NIN: variants seen among roughly 807,000 people sequenced by gnomAD.
The protein encoded by NIN is ninein.
In NIN, 137 loss-of-function variants were observed where a neutral mutation model predicts 257.6. That is an observed-to-expected ratio of 0.53 (90% CI 0.46 to 0.61). The LOEUF (loss-of-function observed/expected upper bound fraction) is 0.61, where lower values mean the gene tolerates loss of function less well. Ranked by LOEUF, NIN falls within the 20% of genes least tolerant of loss-of-function variation. The pLI is 0.00. For missense variants in NIN, 2,439 were observed against 2,501.2 expected (o/e 0.98, Z 0.53); for synonymous variants, 918 against 919.8 (o/e 1.00, Z 0.04).
In NIN at chr14:50,757,386, T is replaced by A. The variant is rs746180443; in HGVS notation, c.3644A>T (p.Asp1215Val). ...GTCCTGTTTCTTTTCAGAAGCTCGA[T>A]CACAGTCCGCACATAACATCATTAG... ...EQLMMLCADC[D>V]RASEKKQDLL... The change falls in exon 18 of 31, where the codon GAT becomes GTT. Residue 1215 changes from aspartate to valine, a missense_variant. Physicochemically the swap from Asp to Val is radical, Grantham distance 152. Coordinates refer to ENST00000530997, the MANE Select transcript of NIN (RefSeq NM_020921.4). 1.9e-6 allele frequency: 3 copies of A among 1,614,150 alleles called. No individual in the cohort carries two copies. The South Asian group carries it at 3.3e-5, about 18-fold the overall frequency.
intron 3 of NIN, among the ~76,000 whole-genome samples, chr14:50,807,892 C>T (rs977169831): frequency 2.6e-5 from 4 of 152,194 alleles, no homozygotes; most frequent in African/African-American, 7.2e-5. Flanking sequence ...TTACCACACT[C>T]TTCCAAAGTA....
chr14:50,817,430 A>T (rs1278738611), intron 3 of NIN, among the ~76,000 whole-genome samples: 1 of 152,248 alleles, frequency 6.6e-6, no homozygotes, highest in Non-Finnish European at 1.5e-5. Context: ...CAAGAAATTT[A>T]GAAAGAACCT....
At chr14:50,744,145 G>C (rs949970493) in intron 23 of NIN, 98 bp downstream of exon 23, 1 of 1,334,322 alleles carries the variant, frequency 7.5e-7, no homozygotes, top group African/African-American at 1.5e-5. Context: ...TGGAACAACA[G>C]ACTACCACAG....
chr14:50,729,258 T>TG (rs1170954638), intron 29 of NIN, among the ~76,000 whole-genome samples: 1 of 139,666 alleles, frequency 7.2e-6, no homozygotes, highest in Non-Finnish European at 1.6e-5. Flanking sequence ...TGATTTTGTT[T>TG]TTTTTTTTTT....
At chr14:50,746,723 C>T (rs1595753182) in intron 22 of NIN, among the ~76,000 whole-genome samples, 1 of 152,206 alleles carries the variant, frequency 6.6e-6, no homozygotes, top group Non-Finnish European at 1.5e-5. Flanking sequence ...AATTGAAAGA[C>T]TCCTGTAAAT....
At chr14:50,793,399 A>G (rs140920660) in intron 4 of NIN, among the ~76,000 whole-genome samples, 19 of 152,202 alleles carry the variant, frequency 1.2e-4, no homozygotes, top group African/African-American at 4.3e-4. Context: ...AGACAAGCAG[A>G]TGACAAAACA....
rs774589218 is a variant in NIN at position 50,720,855 on chromosome 14, G to A, written c.*2608C>T. ...AAACTTGATTCCCTTTTCTTGAAAC[G>A]AAGATCCCATCTTCTGAGACGATCT... On this transcript the variant is annotated 3_prime_UTR_variant, in exon 31 of 31. Transcript: ENST00000530997. 5.0e-6 allele frequency: 1 copy of A among 199,622 alleles called. No homozygotes were observed. The highest frequency in any genetic ancestry group is 1.0e-5 in the Non-Finnish European group (1 of 96,782). The allele number at this position is 199,622 out of a possible 1,614,324, so 12.4% of individuals were successfully genotyped here. A position where few individuals can be genotyped will look rare whatever the true frequency, so the allele number is the denominator to read the frequency against.
chr14:50,729,436 C>A, intron 29 of NIN, 87 bp downstream of exon 29: 3 of 1,317,742 alleles, frequency 2.3e-6, no homozygotes, highest in Non-Finnish European at 3.1e-6. Flanking sequence ...GATTTAGGTT[C>A]TTTCTCTCCA....
intron 8 of NIN, among the ~76,000 whole-genome samples, chr14:50,772,675 T>C (rs2042783428): frequency 6.6e-6 from 1 of 152,252 alleles, no homozygotes; most frequent in African/African-American, 2.4e-5. Context: ...TAGAGAGTTC[T>C]ATGACATAGA....
chr14:50,753,747 A>C (rs936569689), intron 20 of NIN, among the ~76,000 whole-genome samples: 4 of 152,182 alleles, frequency 2.6e-5, no homozygotes, highest in African/African-American at 9.6e-5. Context: ...ATGCATGGGC[A>C]CAGTCATTTC....
chr14:50,743,638 T>C, intron 23 of NIN, 109 bp from the exon 24 acceptor site: 1 of 660,862 alleles, frequency 1.5e-6, no homozygotes, highest in South Asian at 1.7e-5. Flanking sequence ...TCTATTTATG[T>C]AGGGGAGCAG....
At chr14:50,791,108 C>T (rs965935985) in intron 5 of NIN, among the ~76,000 whole-genome samples, 1 of 152,222 alleles carries the variant, frequency 6.6e-6, no homozygotes. Context: ...TGCTCAAGTA[C>T]TGAGACATTT....
At chr14:50,772,878 AATTT>A in intron 8 of NIN, 67 bp downstream of exon 8, 1 of 1,294,542 alleles carries the variant, frequency 7.7e-7, no homozygotes, top group Middle Eastern at 2.7e-4. Context: ...ACAACAGATT[AATTT>A]ATTAGACATT....
intron 25 of NIN, among the ~76,000 whole-genome samples, chr14:50,739,707 T>C (rs1309981193): frequency 6.6e-6 from 1 of 152,260 alleles, no homozygotes; most frequent in African/African-American, 2.4e-5. Flanking sequence ...AGTCTCTGTT[T>C]AAAATGGTCT....
At position 50,787,233 on chromosome 14, in the gene NIN, G is replaced by A. The variant is rs571277717; in HGVS notation, c.435+5479C>T. The stretch of plus-strand genomic sequence containing the variant: ...TGTGGAGGAAAACAGTTAACAAGGT[G>A]TACCCTGTTTTCAACCAGGGCAGAA... On this transcript the variant is annotated intron_variant, in intron 5 of 30. Coordinates refer to ENST00000530997, the MANE Select transcript of NIN (RefSeq NM_020921.4). Among the ~76,000 whole-genome samples the A allele has an allele frequency of 2.0e-5, 3 of 152,312 alleles. No homozygotes were observed. In the East Asian group the frequency reaches 5.8e-4, roughly 29 times the overall value.
intron 27 of NIN, among the ~76,000 whole-genome samples, chr14:50,735,946 C>T (rs1205348331): frequency 6.6e-6 from 1 of 152,132 alleles, no homozygotes; most frequent in East Asian, 1.9e-4. Context: ...ATATCCTTAC[C>T]ATGGACCATG....
At chr14:50,807,430 A>G (rs1299097666) in intron 3 of NIN, among the ~76,000 whole-genome samples, 1 of 152,240 alleles carries the variant, frequency 6.6e-6, no homozygotes, top group Non-Finnish European at 1.5e-5. Flanking sequence ...CTGAAGTTGG[A>G]AAGAACCTGA....
At position 50,721,030 on chromosome 14, in the gene NIN, C is replaced by T. The variant is rs1453463930; in HGVS notation, c.*2433G>A. On this transcript the variant is annotated 3_prime_UTR_variant, in exon 31 of 31. Transcript: ENST00000530997. ...ACATTTTTAAGTTTACATTTAATGT[C>T]TTTAAAAGGTCTTTTAAAAGCTATA... The T allele has an allele frequency of 5.2e-6, 1 of 192,256 alleles. No homozygotes were observed. The highest frequency in any genetic ancestry group is 1.1e-5 in the Non-Finnish European group (1 of 92,132). The allele number at this position is 192,256 out of a possible 1,614,324, so 11.9% of individuals were successfully genotyped here. A position where few individuals can be genotyped will look rare whatever the true frequency, so the allele number is the denominator to read the frequency against.
At chr14:50,787,349 T>G (rs1437115748) in intron 5 of NIN, among the ~76,000 whole-genome samples, 1 of 152,188 alleles carries the variant, frequency 6.6e-6, no homozygotes, top group Non-Finnish European at 1.5e-5. Context: ...TTAGTTTAGT[T>G]TAGTTTTGTT....
Sources: gnomAD v4.1 joint callset for allele counts (sites outside exome capture counted in the v4.1 genomes callset) on GRCh38, gnomAD v4.1.1 for gene constraint, MANE v1.5 for transcripts, NCBI Gene and HGNC (gene_info 2026-07-23, HGNC 2026-07-21) for gene names.